Variants in FHOD3 observed in about 807,000 individuals in gnomAD.
FHOD3 encodes the protein FH1/FH2 domain-containing protein 3.
Under a neutral mutation model 173.0 loss-of-function variants are expected in FHOD3, and 90 were observed. The ratio of observed to expected loss-of-function variants is 0.52; its 90% confidence interval spans 0.44 to 0.62. The LOEUF is 0.62. Ranked by LOEUF, FHOD3 falls within the 20% of genes least tolerant of loss-of-function variation. The pLI, the probability that FHOD3 is intolerant of heterozygous loss-of-function variation, is 0.00. For missense variants in FHOD3, 1,945 were observed against 2,034.7 expected (o/e 0.96, Z 0.85); for synonymous variants, 828 against 823.0 (o/e 1.01, Z -0.10).
intron 1 of FHOD3, among the ~76,000 whole-genome samples, chr18:36,335,493 TA>T (rs56991651): frequency 0.026 from 3,348 of 128,902 alleles, 97 homozygotes; most frequent in African/African-American, 0.08. Context: ...AGACTCCGTC[TA>T]AAAAAAAAAA....
intron 14 of FHOD3, among the ~76,000 whole-genome samples, chr18:36,663,364 C>T (rs1283719812): frequency 6.6e-6 from 1 of 152,160 alleles, no homozygotes; most frequent in Non-Finnish European, 1.5e-5. Context: ...GAGCATCTCC[C>T]CTCTTCCTGC....
chr18:36,360,373 C>A (rs888548213), intron 2 of FHOD3, among the ~76,000 whole-genome samples: 9 of 152,188 alleles, frequency 5.9e-5, no homozygotes, highest in African/African-American at 1.2e-4. Context: ...TCCCTTCAGG[C>A]CTGTGCCACA....
intron 1 of FHOD3, among the ~76,000 whole-genome samples, chr18:36,347,159 A>T (rs1185460472): frequency 6.6e-6 from 1 of 152,238 alleles, no homozygotes; most frequent in Non-Finnish European, 1.5e-5. Flanking sequence ...ATCCTGAAAC[A>T]TAGTGTTGAT....
At chr18:36,686,264 T>A (rs1009108896) in intron 15 of FHOD3, among the ~76,000 whole-genome samples, 1 of 152,050 alleles carries the variant, frequency 6.6e-6, no homozygotes, top group Non-Finnish European at 1.5e-5. Flanking sequence ...CATGGAATAC[T>A]ATGTAGCCAT....
At chr18:36,391,490 A>G (rs2048298158) in intron 3 of FHOD3, among the ~76,000 whole-genome samples, 1 of 152,082 alleles carries the variant, frequency 6.6e-6, no homozygotes, top group Non-Finnish European at 1.5e-5. Context: ...GCCAGTGGTA[A>G]GTTCAGGGAA....
intron 4 of FHOD3, among the ~76,000 whole-genome samples, chr18:36,508,334 C>A (rs76329618): frequency 1.3e-5 from 2 of 150,922 alleles, no homozygotes; most frequent in African/African-American, 4.9e-5. Flanking sequence ...CCACTAGCAA[C>A]GAGATTGTGG....
At chr18:36,492,912 C>T (rs1016922956) in intron 3 of FHOD3, among the ~76,000 whole-genome samples, 1 of 152,226 alleles carries the variant, frequency 6.6e-6, no homozygotes, top group Non-Finnish European at 1.5e-5. Context: ...GTTTCAGTGG[C>T]TCAGTTGTTT....
At chr18:36,714,546 A>C (rs1183567423) in intron 18 of FHOD3, among the ~76,000 whole-genome samples, 1 of 152,210 alleles carries the variant, frequency 6.6e-6, no homozygotes, top group East Asian at 1.9e-4. Context: ...CGAAGAAAAA[A>C]AATATTACCT....
chr18:36,461,171 C>T (rs1443442941), intron 3 of FHOD3, among the ~76,000 whole-genome samples: 1 of 152,152 alleles, frequency 6.6e-6, no homozygotes, highest in Non-Finnish European at 1.5e-5. Context: ...GCTCTGGGGC[C>T]AGCCTGCTCA....
At position 36,390,883 on chromosome 18, in the gene FHOD3, C is replaced by T. The variant is rs569096948; in HGVS notation, c.337+18139C>T. On this transcript the variant is annotated intron_variant, in intron 3 of 28. Transcript: ENST00000590592. ...TAACGAGTGGTCCACATGGATCAATCACCTGTAATCCGTAAATGAATCCAA... is the reference window on the plus strand; with the variant it reads ...TAACGAGTGGTCCACATGGATCAATTACCTGTAATCCGTAAATGAATCCAA... Among the ~76,000 whole-genome samples the T allele has an allele frequency of 2.0e-5, 3 of 152,298 alleles. No individual in the cohort carries two copies. In the East Asian group the frequency reaches 5.8e-4, roughly 29 times the overall value.
At chr18:36,745,994 G>A (rs545937154) in intron 23 of FHOD3, among the ~76,000 whole-genome samples, 4 of 151,626 alleles carry the variant, frequency 2.6e-5, no homozygotes, top group East Asian at 1.9e-4. Context: ...TTCTTCCTCC[G>A]CTCCTGTCCT....
chr18:36,617,837 TA>T (rs1239599758), intron 9 of FHOD3, among the ~76,000 whole-genome samples: 3 of 152,220 alleles, frequency 2.0e-5, no homozygotes, highest in Non-Finnish European at 2.9e-5. Flanking sequence ...TTGGTAACTA[TA>T]TTTTTTTCTA....
chr18:36,649,410 C>A lies in FHOD3; in HGVS notation c.1286+5C>A, dbSNP rs1229468480. ...TTCCTGTCAGGGCAAGGACAGGTAC[C>A]TAGGACTGGAGCCTCCCAAGCTCAC... On this transcript the variant is annotated splice_donor_5th_base_variant and intron_variant, in intron 11 of 28. Transcript: ENST00000590592. 3.9e-6 allele frequency: 6 copies of A among 1,534,260 alleles called. No individual in the cohort carries two copies. The highest frequency in any genetic ancestry group is 1.2e-5 in the South Asian group (1 of 83,990).
intron 5 of FHOD3, among the ~76,000 whole-genome samples, chr18:36,516,680 G>A (rs1219622014): frequency 6.6e-6 from 1 of 152,186 alleles, no homozygotes. Context: ...GGAATTTGAG[G>A]TTACAGTGAG....
At chr18:36,422,049 C>T (rs1018963074) in intron 3 of FHOD3, among the ~76,000 whole-genome samples, 37 of 152,304 alleles carry the variant, frequency 2.4e-4, no homozygotes, top group African/African-American at 8.9e-4. Context: ...CACATGGTTG[C>T]AACTTTGAGA....
At chr18:36,317,411 C>G (rs2044181543) in intron 1 of FHOD3, among the ~76,000 whole-genome samples, 1 of 152,180 alleles carries the variant, frequency 6.6e-6, no homozygotes, top group Non-Finnish European at 1.5e-5. Flanking sequence ...TTAATGATTG[C>G]CATTCTAACC....
At chr18:36,374,044 A>G (rs1394543308) in intron 3 of FHOD3, among the ~76,000 whole-genome samples, 2 of 152,232 alleles carry the variant, frequency 1.3e-5, no homozygotes, top group Admixed American at 6.5e-5. Flanking sequence ...GGACATGAAT[A>G]TGAATTGTTT....
At chr18:36,622,429 A>G (rs753688056) in intron 9 of FHOD3, among the ~76,000 whole-genome samples, 1 of 152,224 alleles carries the variant, frequency 6.6e-6, no homozygotes, top group Non-Finnish European at 1.5e-5. Flanking sequence ...TACAGATGTC[A>G]CCTTAAGTTG....
chr18:36,547,427 G>A (rs2057455863), intron 5 of FHOD3, among the ~76,000 whole-genome samples: 1 of 152,036 alleles, frequency 6.6e-6, no homozygotes, highest in Non-Finnish European at 1.5e-5. Flanking sequence ...TTTGTCACAG[G>A]TTAAACCATC....
Sources: allele counts gnomAD v4.1 joint callset (sites outside exome capture counted in the v4.1 genomes callset), GRCh38; gene constraint gnomAD v4.1.1; transcripts MANE v1.5; gene names NCBI Gene and HGNC (gene_info 2026-07-23, HGNC 2026-07-21).